Variants in POGLUT1 observed in about 807,000 individuals in gnomAD.
POGLUT1 encodes 9630046K23Rik.
Under a neutral mutation model 61.3 loss-of-function variants are expected in POGLUT1, and 32 were observed. The ratio of observed to expected loss-of-function variants is 0.52; its 90% CI spans 0.39 to 0.70. The LOEUF (loss-of-function observed/expected upper bound fraction) is 0.70. POGLUT1 is among the 30% of genes least tolerant of loss of function. The pLI is 0.00. For missense variants in POGLUT1, 411 were observed against 469.8 expected, an observed-to-expected ratio of 0.87 and a Z score of 1.16; for synonymous variants, 158 against 158.2, an observed-to-expected ratio of 1.00 and a Z score of 0.01.
Position 119,493,818 on chromosome 3 carries a change from T to C in POGLUT1, c.*1380T>C, listed in dbSNP as rs2081782478. The C allele has an allele frequency of 6.6e-6, 1 of 150,608 alleles. No individual in the cohort carries two copies. The highest frequency in any genetic ancestry group is 2.1e-4 in the South Asian group (1 of 4,706). The allele number at this position is 150,608 out of a possible 1,614,324, so 9.3% of individuals were successfully genotyped here. A position where few individuals can be genotyped will look rare whatever the true frequency, so the allele number is the denominator to read the frequency against. The stretch of plus-strand genomic sequence containing the variant: ...TTAAAGTTGGATTTTTTTTTTTTTT[T>C]TTTTTTGAGTACTAGCAATGCACAG... On this transcript the variant is annotated 3_prime_UTR_variant, in exon 11 of 11. Coordinates refer to ENST00000295588, the MANE Select transcript of POGLUT1 (RefSeq NM_152305.3).
At position 119,469,083 on chromosome 3, in the gene POGLUT1, C is replaced by G. The variant is rs1275735394; in HGVS notation, c.62C>G (p.Ala21Gly). The G allele has an allele frequency of 3.7e-6, 6 of 1,607,668 alleles. No individual in the cohort carries two copies. The Admixed American group carries it at 5.0e-5, about 13-fold the overall frequency. Reference protein sequence around the residue: ...LWLLLFLLPSAQGRQKESGSK... With the variant: ...LWLLLFLLPSGQGRQKESGSK... ...CTGCTGTTGTTCCTCCTGCCCTCAG[C>G]GCAGGGCCGCCAGAAGGAGTCAGGT... Residue 21 changes from alanine (A) to glycine (G), a missense_variant, in exon 1 of 11, where the codon GCG becomes GGG. Coordinates refer to ENST00000295588, the MANE Select transcript of POGLUT1 (RefSeq NM_152305.3).
At chr3:119,470,453 G>A (rs1577075090) in intron 2 of POGLUT1, among the ~76,000 whole-genome samples, 1 of 152,344 alleles carries the variant, frequency 6.6e-6, no homozygotes, top group East Asian at 1.9e-4. Context: ...GCACGTGCCT[G>A]TAATCCCAGC....
intron 5 of POGLUT1, among the ~76,000 whole-genome samples, chr3:119,484,652 T>A (rs2107713745): frequency 6.6e-6 from 1 of 152,356 alleles, no homozygotes; most frequent in African/African-American, 2.4e-5. Context: ...GCTTTTTTAT[T>A]TTTTTGCAGT....
chr3:119,469,309 T>G, intron 1 of POGLUT1: 3 of 586,764 alleles, frequency 5.1e-6, no homozygotes, highest in Non-Finnish European at 9.1e-6. Flanking sequence ...GAGTAACCCA[T>G]TCCCCGGAAT....
At chr3:119,476,435 A>T (rs6414282) in intron 3 of POGLUT1, among the ~76,000 whole-genome samples, 111,953 of 151,566 alleles carry the variant, frequency 0.74, 41,465 homozygotes, top group East Asian at 0.86. Context: ...TCCCTATATA[A>T]AAAACACTTT....
chr3:119,489,031 T>A (rs777009865), intron 8 of POGLUT1, 44 bp downstream of exon 8: 10 of 1,109,232 alleles, frequency 9.0e-6, no homozygotes, highest in Admixed American at 1.8e-5. Flanking sequence ...TCCATACTGC[T>A]TTTGAAATAG....
At position 119,469,032 on chromosome 3, in the gene POGLUT1, G is replaced by A. The variant is rs587777293; in HGVS notation, c.11G>A (p.Trp4Ter). 1.2e-6 allele frequency: 2 copies of A among 1,608,512 alleles called. No homozygotes were observed. The highest frequency in any genetic ancestry group is 1.7e-6 in the Non-Finnish European group (2 of 1,178,778). The change falls in exon 1 of 11, where the codon TGG becomes TAG. Residue 4 changes from tryptophan (W) to a stop codon, truncating the protein, a stop_gained. Coordinates refer to ENST00000295588, the MANE Select transcript of POGLUT1 (RefSeq NM_152305.3). LOFTEE classifies it high-confidence loss of function. ...GTAGGTCTGCCGGCGATGGAGTGGT[G>A]GGCTAGCTCGCCGCTTCGGCTCTGG... MEW[W>*]ASSPLRLWLL... is the part of the protein sequence containing the mutation.
Position 119,491,528 on chromosome 3 carries a change from C to A in POGLUT1, c.976C>A (p.Gln326Lys), listed in dbSNP as rs535554982. 26 of 1,527,944 alleles carry A rather than the reference C, an allele frequency of 1.7e-5. No homozygotes were observed. In the South Asian group the frequency reaches 2.8e-4, roughly 17 times the overall value. The allele number at this position is 1,527,944 out of a possible 1,614,324, so 94.6% of individuals were successfully genotyped here. The change falls in exon 10 of 11, where the codon CAA becomes AAA. Residue 326 changes from glutamine (Q) to lysine (K), a missense_variant. Physicochemically the swap from Gln to Lys is moderately conservative, Grantham distance 53. Transcript: ENST00000295588. ...TTCTTTTCATTTTAGAGAGCTGTTA[C>A]AATTTGTAAAAGCAAATGATGATGT... ...TDLSNVQELL[Q>K]FVKANDDVAQ... is the part of the protein sequence containing the mutation.
In POGLUT1 at chr3:119,469,833, A is replaced by G. The variant is rs766575583; in HGVS notation, c.99A>G (p.Lys33=). ...CACTTTTTAAAGGTTCAAAATGGAA[A>G]GTATTTATTGACCAAATTAACAGGT... The part of the protein sequence containing the change: ...GRQKESGSKW[K]VFIDQINRSL... The change falls in exon 2 of 11, where the codon AAA becomes AAG. Residue 33 remains lysine, a synonymous_variant. Transcript: ENST00000295588. 6.3e-7 allele frequency: 1 copy of G among 1,594,438 alleles called. No individual in the cohort carries two copies. Among genetic ancestry groups the G allele is most frequent in the East Asian group, 2.2e-5 (1 of 44,796 alleles).
At position 119,490,617 on chromosome 3, in the gene POGLUT1, A is replaced by G. The variant is rs775470838; in HGVS notation, c.864A>G (p.Ser288=). 196 of 1,614,016 alleles carry G rather than the reference A, an allele frequency of 1.2e-4. 1 individual carries two copies. In the South Asian group the frequency reaches 1.9e-3, roughly 16 times the overall value. Residue 288 remains serine, a synonymous_variant, in exon 9 of 11, where the codon TCA becomes TCG. Transcript: ENST00000295588. ...TTAAACACCTCTTCCTGTGTGGCTC[A>G]CTTGTTTTCCATGTTGGTGATGAGT... ...FRFKHLFLCG[S]LVFHVGDEWL...
intron 9 of POGLUT1, 68 bp downstream of exon 9, chr3:119,490,786 T>G: frequency 1.4e-6 from 2 of 1,397,790 alleles, no homozygotes; most frequent in Non-Finnish European, 9.9e-7. Flanking sequence ...AATGCCTTAA[T>G]GCCTTAAAAC....
In POGLUT1 at chr3:119,478,416, G is replaced by A. The variant is rs151195064; in HGVS notation, c.456+968G>A. 5.3e-4 allele frequency: 241 copies of A among 456,694 alleles called. 1 individual carries two copies. The highest frequency in any genetic ancestry group is 4.0e-3 in the East Asian group (58 of 14,392). 28.3% of individuals were successfully genotyped at this position (456,694 alleles called of 1,614,324 possible). ...CATGGTCTAGCCTCATTTCTCGAAA[G>A]TGTTTGGTTCCATTGTTTGTCATGA... On this transcript the variant is annotated intron_variant, in intron 4 of 10. Transcript: ENST00000295588.
chr3:119,492,107 T>C (rs372393566), intron 10 of POGLUT1, among the ~76,000 whole-genome samples, 175 bp from the exon 11 acceptor site: 1 of 152,260 alleles, frequency 6.6e-6, no homozygotes, highest in Admixed American at 6.5e-5. Flanking sequence ...TTAAGTTGTA[T>C]TGCTACATGC....
In POGLUT1 at chr3:119,477,326, G is replaced by T; in HGVS notation, c.334G>T (p.Glu112Ter). Residue 112 changes from glutamate to a stop codon, truncating the protein, a stop_gained, in exon 4 of 11, where the codon GAG (glutamate) becomes TAG (stop). Transcript: ENST00000295588. LOFTEE classifies it high-confidence loss of function. Reference protein sequence around the residue: ...CMFPSRCSGVEHFILEVIGRL... With the variant: ...CMFPSRCSGV The stretch of plus-strand genomic sequence containing the variant: ...TCTGGTTGACAGGTGTAGTGGTGTT[G>T]AGCACTTTATTTTGGAAGTGATCGG... 1 of 1,614,094 alleles carries T rather than the reference G, an allele frequency of 6.2e-7. No individual in the cohort carries two copies. Among genetic ancestry groups the T allele is most frequent in the Non-Finnish European group, 8.5e-7 (1 of 1,179,970 alleles).
chr3:119,484,991 C>T (rs988362143), intron 5 of POGLUT1, among the ~76,000 whole-genome samples: 2 of 152,092 alleles, frequency 1.3e-5, no homozygotes, highest in Non-Finnish European at 2.9e-5. Flanking sequence ...CCGAGGCAGG[C>T]GGATCACGAA....
intron 9 of POGLUT1, 60 bp from the exon 10 acceptor site, chr3:119,491,458 C>A: frequency 1.3e-6 from 1 of 762,104 alleles, no homozygotes; most frequent in Non-Finnish European, 2.2e-6. Flanking sequence ...TATCGTCTTT[C>A]TGACTTAGTG....
At chr3:119,476,243 C>G (rs575970253) in intron 3 of POGLUT1, among the ~76,000 whole-genome samples, 1 of 152,096 alleles carries the variant, frequency 6.6e-6, no homozygotes, top group South Asian at 2.1e-4. Context: ...CTTCCACAAC[C>G]GATATATCAT....
intron 5 of POGLUT1, among the ~76,000 whole-genome samples, chr3:119,484,306 C>T (rs749121191): frequency 1.6e-4 from 25 of 152,146 alleles, no homozygotes; most frequent in Non-Finnish European, 3.5e-4. Context: ...TAAGTTTCTC[C>T]GTTACTGTAA....
At position 119,470,469 on chromosome 3, in the gene POGLUT1, G is replaced by A. The variant is rs769873999; in HGVS notation, c.176+559G>A. ...CACGTGCCTGTAATCCCAGCTACTC[G>A]GGAGGCTGAGGCAGGAGAATCGCTT... On this transcript the variant is annotated intron_variant, in intron 2 of 10. Coordinates refer to ENST00000295588, the MANE Select transcript of POGLUT1 (RefSeq NM_152305.3). Among the ~76,000 whole-genome samples the A allele has an allele frequency of 7.9e-5, 12 of 152,252 alleles. No individual in the cohort carries two copies. In the East Asian group the frequency reaches 1.7e-3, roughly 22 times the overall value.
Sources: gnomAD v4.1 joint callset for allele counts (sites outside exome capture counted in the v4.1 genomes callset) on GRCh38, gnomAD v4.1.1 for gene constraint, MANE v1.5 for transcripts, NCBI Gene and HGNC (gene_info 2026-07-23, HGNC 2026-07-21) for gene names.